Variants in DDX4 observed in about 807,000 individuals in gnomAD.
DDX4 encodes the protein probable ATP-dependent RNA helicase DDX4.
Under a neutral mutation model 100.0 loss-of-function variants are expected in DDX4, and 25 were observed. The ratio of observed to expected loss-of-function variants is 0.25; its 90% CI spans 0.18 to 0.35. The LOEUF is 0.35. DDX4 is among the 10% of genes least tolerant of loss of function. The pLI is 1.00. For synonymous variants in DDX4, 259 were observed against 275.7 expected, an observed-to-expected ratio of 0.94 and a Z score of 0.60; for missense variants, 635 against 882.4, an observed-to-expected ratio of 0.72 and a Z score of 3.55.
Position 55,770,772 on chromosome 5 carries a change from G to A in DDX4, c.394+2832G>A, listed in dbSNP as rs190582796. On this transcript the variant is annotated intron_variant, in intron 7 of 21. Coordinates refer to ENST00000505374, the MANE Select transcript of DDX4 (RefSeq NM_024415.3). ...AATTGTGGAGAGGGGTGGTGGTGGG[G>A]AGAAAGTTAAGCTAAGAAAAAACAA... Among the ~76,000 whole-genome samples the A allele has an allele frequency of 2.1e-3, 314 of 152,178 alleles. 4 individuals are homozygous for A. The highest frequency in any genetic ancestry group is 2.3e-3 in the Non-Finnish European group (156 of 67,990).
intron 2 of DDX4, 47 bp downstream of exon 2, chr5:55,739,079 A>C: frequency 8.5e-7 from 1 of 1,170,470 alleles, no homozygotes; most frequent in Non-Finnish European, 1.3e-6. Flanking sequence ...GATTTTATCA[A>C]AGTTGAAAAT....
At chr5:55,749,358 G>A (rs1759415778) in intron 3 of DDX4, among the ~76,000 whole-genome samples, 1 of 152,136 alleles carries the variant, frequency 6.6e-6, no homozygotes. Context: ...CTTGAGCCTA[G>A]AATTTTGAGG....
chr5:55,785,242 A>G, intron 10 of DDX4, 55 bp from the exon 11 acceptor site: 1 of 1,217,304 alleles, frequency 8.2e-7, no homozygotes, highest in Non-Finnish European at 1.2e-6. Context: ...ACGAAAATAA[A>G]GATGTGCACA....
At chr5:55,765,703 A>G (rs1359779141) in intron 6 of DDX4, among the ~76,000 whole-genome samples, 1 of 152,088 alleles carries the variant, frequency 6.6e-6, no homozygotes, top group Non-Finnish European at 1.5e-5. Flanking sequence ...CTCTATTTGT[A>G]TAATGATGAC....
chr5:55,796,425 A>G (rs1430587015), intron 17 of DDX4, among the ~76,000 whole-genome samples: 2 of 152,220 alleles, frequency 1.3e-5, no homozygotes, highest in Admixed American at 1.3e-4. Flanking sequence ...TGCCCTGCTC[A>G]CTGGAAGTGG....
intron 7 of DDX4, 29 bp downstream of exon 7, chr5:55,767,969 A>T (rs1288132337): frequency 6.3e-7 from 1 of 1,598,324 alleles, no homozygotes; most frequent in African/African-American, 1.3e-5. Context: ...AACAATTTGT[A>T]CTTAACACAG....
chr5:55,742,435 A>G (rs1759030651), intron 2 of DDX4, among the ~76,000 whole-genome samples: 1 of 152,334 alleles, frequency 6.6e-6, no homozygotes, highest in African/African-American at 2.4e-5. Context: ...TAATTAGACC[A>G]TCCACAATTA....
intron 1 of DDX4, 26 bp from the exon 2 acceptor site, chr5:55,738,923 TG>T (rs777156898): frequency 8.1e-7 from 1 of 1,236,468 alleles, no homozygotes; most frequent in Non-Finnish European, 1.2e-6. Context: ...TGAGTCCAAA[TG>T]TGCATTTTTT....
At chr5:55,779,295 T>C (rs1209307226) in intron 7 of DDX4, among the ~76,000 whole-genome samples, 1 of 152,230 alleles carries the variant, frequency 6.6e-6, no homozygotes, top group Non-Finnish European at 1.5e-5. Flanking sequence ...ACATATACTC[T>C]AATATTCAGA....
At chr5:55,747,653 A>C (rs1044093808) in intron 3 of DDX4, among the ~76,000 whole-genome samples, 1 of 152,248 alleles carries the variant, frequency 6.6e-6, no homozygotes, top group Non-Finnish European at 1.5e-5. Flanking sequence ...TTAGTCTGTA[A>C]CCATCATCCA....
At chr5:55,785,937 G>T in intron 13 of DDX4, 66 bp downstream of exon 13, 1 of 1,154,688 alleles carries the variant, frequency 8.7e-7, no homozygotes, top group Non-Finnish European at 1.3e-6. Context: ...ACATTATGTA[G>T]TTTGTAAAGC....
chr5:55,805,479 T>C lies in DDX4; in HGVS notation c.1615+6908T>C, dbSNP rs1474378847. Among the ~76,000 whole-genome samples the C allele has an allele frequency of 2.6e-5, 4 of 151,660 alleles. 1 individual carries two copies. In the South Asian group the frequency reaches 6.3e-4, roughly 24 times the overall value. On this transcript the variant is annotated intron_variant, in intron 18 of 21. Coordinates refer to ENST00000505374, the MANE Select transcript of DDX4 (RefSeq NM_024415.3). The stretch of plus-strand genomic sequence containing the variant: ...GTGGGTTTGTCATAGATAGCTCTTA[T>C]TATTTTGAAATACGTCCCATCAATA...
At chr5:55,738,675 A>G (rs991493634) in intron 1 of DDX4, among the ~76,000 whole-genome samples, 7 of 152,120 alleles carry the variant, frequency 4.6e-5, no homozygotes, top group African/African-American at 1.7e-4. Context: ...CTATGAACAG[A>G]TGTTTGGGAA....
chr5:55,744,460 A>G (rs1054880366), intron 2 of DDX4, among the ~76,000 whole-genome samples: 1 of 152,240 alleles, frequency 6.6e-6, no homozygotes, highest in Non-Finnish European at 1.5e-5. Flanking sequence ...TGGATTAATG[A>G]TGATAAGGAC....
chr5:55,814,799 T>C, intron 19 of DDX4, 102 bp from the exon 20 acceptor site: 2 of 1,321,094 alleles, frequency 1.5e-6, no homozygotes, highest in Non-Finnish European at 2.1e-6. Flanking sequence ...CAAATGCTGC[T>C]ATTCATACTA....
intron 7 of DDX4, among the ~76,000 whole-genome samples, chr5:55,776,999 T>A (rs1741605422): frequency 6.6e-6 from 1 of 152,134 alleles, no homozygotes; most frequent in Non-Finnish European, 1.5e-5. Flanking sequence ...AAAATATTTC[T>A]TAATAAGTAA....
intron 10 of DDX4, among the ~76,000 whole-genome samples, chr5:55,783,427 A>T (rs747717131): frequency 6.6e-6 from 1 of 152,152 alleles, no homozygotes; most frequent in Non-Finnish European, 1.5e-5. Flanking sequence ...AATCTAATGC[A>T]GTCATAGTAC....
At chr5:55,743,679 C>T (rs1282116167) in intron 2 of DDX4, among the ~76,000 whole-genome samples, 1 of 152,184 alleles carries the variant, frequency 6.6e-6, no homozygotes, top group Non-Finnish European at 1.5e-5. Context: ...ATCTGGCTGC[C>T]TCGGCTTCCC....
At position 55,807,109 on chromosome 5, in the gene DDX4, T is replaced by C. The variant is rs577855471; in HGVS notation, c.1616-6564T>C. On this transcript the variant is annotated intron_variant, in intron 18 of 21. Transcript: ENST00000505374. Reference sequence around the variant, plus strand: ...CTTTGTCTCTTTTGTTCTTTTTTGGTTTAAAGTCTGTTTTATCAGAGACTA... The same window carrying C: ...CTTTGTCTCTTTTGTTCTTTTTTGGCTTAAAGTCTGTTTTATCAGAGACTA... Among the ~76,000 whole-genome samples the C allele has an allele frequency of 1.3e-5, 2 of 152,202 alleles. 1 individual carries two copies. The highest frequency in any genetic ancestry group is 4.1e-4 in the South Asian group (2 of 4,832).
Sources: gnomAD v4.1 joint callset for allele counts (sites outside exome capture counted in the v4.1 genomes callset) on GRCh38, gnomAD v4.1.1 for gene constraint, MANE v1.5 for transcripts, NCBI Gene and HGNC (gene_info 2026-07-23, HGNC 2026-07-21) for gene names.